Variants in ABTB3 observed in about 807,000 individuals in gnomAD.
ABTB3 encodes ankyrin repeat- and BTB/POZ domain-containing protein 3.
the ABTB3 span, among the ~76,000 whole-genome samples, chr12:107,344,079 T>C: frequency 6.6e-6 from 1 of 152,152 alleles, no homozygotes. Flanking sequence ...TGGATTCCAG[T>C]CTCAAGGTAG....
At chr12:107,615,098 C>G in the ABTB3 span, 1 of 1,614,048 alleles carries the variant, frequency 6.2e-7, no homozygotes, top group Non-Finnish European at 8.5e-7. Context: ...TCCGTCCACC[C>G]CGAGACCCGC....
the ABTB3 span, among the ~76,000 whole-genome samples, chr12:107,388,618 C>G: frequency 1.3e-5 from 2 of 152,038 alleles, no homozygotes. Flanking sequence ...CTCCCCTCTT[C>G]CCCTCCTGCT....
chr12:107,332,910 T>A, the ABTB3 span, among the ~76,000 whole-genome samples: 2 of 151,884 alleles, frequency 1.3e-5, no homozygotes, highest in African/African-American at 4.8e-5. Context: ...CAATTCTTTA[T>A]GTGGTAGATG....
chr12:107,542,721 C>T, the ABTB3 span, among the ~76,000 whole-genome samples: 3 of 152,092 alleles, frequency 2.0e-5, no homozygotes, highest in African/African-American at 7.2e-5. Context: ...ATAAACAGTC[C>T]ATTAACGTGT....
the ABTB3 span, among the ~76,000 whole-genome samples, chr12:107,484,039 G>A: frequency 2.0e-5 from 3 of 152,238 alleles, no homozygotes; most frequent in South Asian, 4.1e-4. Flanking sequence ...AGATGTGCCT[G>A]TGCCTCATAA....
the ABTB3 span, among the ~76,000 whole-genome samples, chr12:107,524,289 T>G: frequency 2.6e-5 from 4 of 152,146 alleles, no homozygotes; most frequent in Non-Finnish European, 4.4e-5. Context: ...AGGAATAAAA[T>G]TGCCTTTTTT....
At chr12:107,331,669 C>A in the ABTB3 span, among the ~76,000 whole-genome samples, 3 of 152,202 alleles carry the variant, frequency 2.0e-5, no homozygotes, top group Non-Finnish European at 4.4e-5. Context: ...CTCCTTCCCA[C>A]CCGGAAGTCT....
At chr12:107,544,042 G>A in the ABTB3 span, 8 of 1,613,864 alleles carry the variant, frequency 5.0e-6, no homozygotes, top group Middle Eastern at 1.6e-4. Flanking sequence ...CTGGGAGCCC[G>A]AGGCCCTGTA....
the ABTB3 span, among the ~76,000 whole-genome samples, chr12:107,390,775 AGTT>A: frequency 6.6e-6 from 1 of 152,208 alleles, no homozygotes; most frequent in Non-Finnish European, 1.5e-5. Flanking sequence ...ATTTGGAAAA[AGTT>A]GTGAGGAGTG....
the ABTB3 span, among the ~76,000 whole-genome samples, chr12:107,452,464 C>T: frequency 6.6e-6 from 1 of 152,098 alleles, no homozygotes. Flanking sequence ...CCTCGGCCTC[C>T]CAAAGTGCTG....
the ABTB3 span, among the ~76,000 whole-genome samples, chr12:107,441,673 C>T: frequency 1.3e-5 from 2 of 151,332 alleles, no homozygotes; most frequent in South Asian, 2.1e-4. Flanking sequence ...CACAGTGGCT[C>T]ACACCTAAAA....
the ABTB3 span, among the ~76,000 whole-genome samples, chr12:107,515,290 A>C: frequency 6.6e-6 from 1 of 152,216 alleles, no homozygotes; most frequent in Non-Finnish European, 1.5e-5. Context: ...AATAGTGCAA[A>C]TACTAAGAAA....
the ABTB3 span, among the ~76,000 whole-genome samples, chr12:107,354,439 TA>T: frequency 1.3e-5 from 2 of 152,192 alleles, no homozygotes; most frequent in Admixed American, 1.3e-4. Context: ...ACCACAAATT[TA>T]TTTTTTGTCT....
the ABTB3 span, among the ~76,000 whole-genome samples, chr12:107,389,977 C>T: frequency 6.6e-6 from 1 of 151,984 alleles, no homozygotes; most frequent in Non-Finnish European, 1.5e-5. Context: ...TCTGCATGGT[C>T]TTTCAGCACA....
the ABTB3 span, among the ~76,000 whole-genome samples, chr12:107,507,314 C>T: frequency 6.6e-6 from 1 of 152,120 alleles, no homozygotes; most frequent in Non-Finnish European, 1.5e-5. Flanking sequence ...TTTGAGATGT[C>T]TGCCAAGCCA....
At chr12:107,650,829 CA>C in the ABTB3 span, 1 of 152,392 alleles carries the variant, frequency 6.6e-6, no homozygotes, top group Non-Finnish European at 1.5e-5. Flanking sequence ...ACTAACTGAT[CA>C]CAACCAGTTA....
the ABTB3 span, among the ~76,000 whole-genome samples, chr12:107,471,138 C>T: frequency 2.0e-5 from 3 of 152,192 alleles, no homozygotes; most frequent in African/African-American, 7.2e-5. Context: ...ATAACAAACC[C>T]CTCTATGGTG....
At chr12:107,637,786 T>TTGTGTGTG in the ABTB3 span, among the ~76,000 whole-genome samples, 27 of 144,650 alleles carry the variant, frequency 1.9e-4, no homozygotes, top group African/African-American at 4.1e-4. Flanking sequence ...AGCACTGATT[T>TTGTGTGTG]TGTGTGTGTG....
At chr12:107,347,420 G>A in the ABTB3 span, among the ~76,000 whole-genome samples, 1 of 152,228 alleles carries the variant, frequency 6.6e-6, no homozygotes, top group Middle Eastern at 3.4e-3. Context: ...CCATTTAATT[G>A]TGTGCATCAG....
Sources: allele counts gnomAD v4.1 joint callset (sites outside exome capture counted in the v4.1 genomes callset), GRCh38; gene constraint gnomAD v4.1.1; transcripts MANE v1.5; gene names NCBI Gene and HGNC (gene_info 2026-07-23, HGNC 2026-07-21).